INPP4B: variants seen among roughly 807,000 people sequenced by gnomAD.
INPP4B encodes inositol polyphosphate 4-phosphatase type II.
Under a neutral mutation model 122.5 loss-of-function variants are expected in INPP4B, and 55 were observed. The observed-to-expected ratio is 0.45, with a 90% CI of 0.36 to 0.56. The LOEUF is 0.56. Ranked by LOEUF, INPP4B falls within the 20% of genes least tolerant of loss-of-function variation. The pLI is 0.00. For synonymous variants in INPP4B, 403 were observed against 388.7 expected, an observed-to-expected ratio of 1.04 and a Z score of -0.43; for missense variants, 1,000 against 1,097.7, an observed-to-expected ratio of 0.91 and a Z score of 1.26.
At chr4:142,194,450 A>T (rs982158155) in intron 14 of INPP4B, among the ~76,000 whole-genome samples, 3 of 152,168 alleles carry the variant, frequency 2.0e-5, no homozygotes, top group Non-Finnish European at 4.4e-5. Context: ...ACATAATTAC[A>T]TCTGTTCTAT....
At chr4:142,713,440 T>G (rs1040706839) in intron 2 of INPP4B, among the ~76,000 whole-genome samples, 2 of 151,932 alleles carry the variant, frequency 1.3e-5, no homozygotes, top group African/African-American at 4.8e-5. Context: ...GAAAGAGGAG[T>G]TCTATTGGAA....
At chr4:142,190,440 T>TTATTA (rs1447421182) in intron 15 of INPP4B, among the ~76,000 whole-genome samples, 122 of 152,326 alleles carry the variant, frequency 8.0e-4, no homozygotes, top group African/African-American at 2.7e-3. Context: ...AACTCTGTAA[T>TTATTA]CATTAAGTCT....
intron 21 of INPP4B, among the ~76,000 whole-genome samples, chr4:142,114,791 T>G (rs1792168954): frequency 6.6e-6 from 1 of 152,086 alleles, no homozygotes; most frequent in Non-Finnish European, 1.5e-5. Flanking sequence ...TTTATCTATT[T>G]TCTTCTTTTA....
intron 5 of INPP4B, among the ~76,000 whole-genome samples, chr4:142,425,759 T>C (rs751941017): frequency 1.3e-5 from 2 of 152,170 alleles, no homozygotes; most frequent in South Asian, 4.1e-4. Flanking sequence ...TCTGTCTACA[T>C]AGAACTTAAC....
At chr4:142,757,173 T>C (rs1381187581) in intron 1 of INPP4B, among the ~76,000 whole-genome samples, 1 of 152,134 alleles carries the variant, frequency 6.6e-6, no homozygotes, top group Non-Finnish European at 1.5e-5. Context: ...AGAGTTGTCA[T>C]ATACCCCTTC....
At chr4:142,625,699 A>T (rs1230700585) in intron 2 of INPP4B, among the ~76,000 whole-genome samples, 1 of 152,154 alleles carries the variant, frequency 6.6e-6, no homozygotes, top group African/African-American at 2.4e-5. Flanking sequence ...AAAAGAACAA[A>T]GCTGGAGGCA....
intron 2 of INPP4B, among the ~76,000 whole-genome samples, chr4:142,521,215 A>G (rs893613302): frequency 2.0e-5 from 3 of 151,990 alleles, no homozygotes; most frequent in African/African-American, 4.8e-5. Context: ...GTATAACAGC[A>G]TTTCCCAAAA....
intron 10 of INPP4B, among the ~76,000 whole-genome samples, chr4:142,267,576 G>T (rs1167846413): frequency 6.6e-6 from 1 of 152,104 alleles, no homozygotes; most frequent in Non-Finnish European, 1.5e-5. Context: ...AACTCAAAAT[G>T]AGTTAAAGAC....
At chr4:142,494,914 C>A (rs1023128349) in intron 2 of INPP4B, among the ~76,000 whole-genome samples, 1 of 152,126 alleles carries the variant, frequency 6.6e-6, no homozygotes, top group Non-Finnish European at 1.5e-5. Context: ...AGATGAGCCT[C>A]ATTTTTTCCC....
At chr4:142,504,248 G>A (rs940134428) in intron 2 of INPP4B, among the ~76,000 whole-genome samples, 1 of 151,752 alleles carries the variant, frequency 6.6e-6, no homozygotes, top group African/African-American at 2.4e-5. Context: ...GTTCACAGAG[G>A]AAAAAAAGAT....
intron 25 of INPP4B, among the ~76,000 whole-genome samples, chr4:142,060,589 G>A (rs1760116321): frequency 6.6e-6 from 1 of 152,152 alleles, no homozygotes; most frequent in Admixed American, 6.5e-5. Flanking sequence ...CCACGTCTTA[G>A]CTGTAAGGCC....
intron 7 of INPP4B, among the ~76,000 whole-genome samples, chr4:142,337,846 C>T (rs530133682): frequency 6.7e-6 from 1 of 149,790 alleles, no homozygotes; most frequent in Admixed American, 6.7e-5. Flanking sequence ...TTCTTCCTCT[C>T]TCTACAACTT....
rs6846284 is a variant in INPP4B, at chr4:142,362,631, A to C, written c.372+40307T>G. ...GAAAGTGCAGCCTACAAGATGTGTG[A>C]AGGGTCCTTGGAATATTACACAGCC... On this transcript the variant is annotated intron_variant, in intron 7 of 25. Coordinates refer to ENST00000262992, the MANE Select transcript of INPP4B (RefSeq NM_001101669.3). Among the ~76,000 whole-genome samples the C allele has an allele frequency of 5.8e-3, 886 of 151,710 alleles. 7 individuals carry two copies. The highest frequency in any genetic ancestry group is 0.02 in the African/African-American group (838 of 41,370).
intron 1 of INPP4B, among the ~76,000 whole-genome samples, chr4:142,787,742 G>A (rs139341582): frequency 1.3e-5 from 2 of 152,208 alleles, no homozygotes; most frequent in East Asian, 1.9e-4. Context: ...ACAGGAGATA[G>A]TGACTGCCCT....
intron 3 of INPP4B, among the ~76,000 whole-genome samples, chr4:142,449,776 G>C (rs190460145): frequency 6.6e-6 from 1 of 152,152 alleles, no homozygotes; most frequent in Non-Finnish European, 1.5e-5. Context: ...TCACATTAAG[G>C]CATAGAAGAC....
intron 2 of INPP4B, among the ~76,000 whole-genome samples, chr4:142,628,695 A>G (rs1369342316): frequency 6.6e-6 from 1 of 151,740 alleles, no homozygotes; most frequent in African/African-American, 2.4e-5. Flanking sequence ...TAGACATTTC[A>G]TAAGATATGG....
At chr4:142,068,324 C>T (rs981795622) in intron 25 of INPP4B, among the ~76,000 whole-genome samples, 2 of 152,078 alleles carry the variant, frequency 1.3e-5, no homozygotes, top group Non-Finnish European at 2.9e-5. Flanking sequence ...AAGAGCTCCT[C>T]AAGGAAGCAC....
chr4:142,423,039 G>A (rs1225909841), intron 5 of INPP4B, among the ~76,000 whole-genome samples: 1 of 151,998 alleles, frequency 6.6e-6, no homozygotes, highest in Non-Finnish European at 1.5e-5. Flanking sequence ...AGCATGCCAT[G>A]TAAAAGGCAA....
chr4:142,557,155 A>G (rs1467074560), intron 2 of INPP4B, among the ~76,000 whole-genome samples: 3 of 152,168 alleles, frequency 2.0e-5, no homozygotes, highest in Non-Finnish European at 2.9e-5. Flanking sequence ...ACTGATGACA[A>G]TGCTGGAGAA....
Sources: gnomAD v4.1 joint callset for allele counts (sites outside exome capture counted in the v4.1 genomes callset) on GRCh38, gnomAD v4.1.1 for gene constraint, MANE v1.5 for transcripts, NCBI Gene and HGNC (gene_info 2026-07-23, HGNC 2026-07-21) for gene names.